The following SLC4A4 variants were observed in gnomAD, a reference collection of about 807,000 sequenced individuals.
The protein encoded by SLC4A4 is electrogenic sodium bicarbonate cotransporter 1.
Under a neutral mutation model 111.5 loss-of-function variants are expected in SLC4A4, and 27 were observed. The observed-to-expected ratio is 0.24, with a 90% CI of 0.18 to 0.33. The LOEUF (loss-of-function observed/expected upper bound fraction) is 0.33, where lower values mean the gene tolerates loss of function less well. Ranked by LOEUF, SLC4A4 falls within the 10% of genes least tolerant of loss-of-function variation. The pLI is 1.00. For missense variants in SLC4A4, 909 were observed against 1,315.5 expected, an observed-to-expected ratio of 0.69 and a Z score of 4.78; for synonymous variants, 443 against 463.4, an observed-to-expected ratio of 0.96 and a Z score of 0.57.
intron 2 of SLC4A4, among the ~76,000 whole-genome samples, chr4:71,137,185 C>T (rs987925311): frequency 6.6e-6 from 1 of 152,180 alleles, no homozygotes; most frequent in African/African-American, 2.4e-5. Context: ...AGCCGAGAGA[C>T]ATCTGCCCGC....
intron 2 of SLC4A4, among the ~76,000 whole-genome samples, chr4:71,154,801 T>C (rs1274375369): frequency 6.6e-6 from 1 of 152,162 alleles, no homozygotes; most frequent in Non-Finnish European, 1.5e-5. Flanking sequence ...GAAAGATGAT[T>C]GTAAATAATT....
rs1728012045 is a variant in SLC4A4, at chr4:71,472,870, CAAG to C, written c.1808_1810del (p.Lys603del). Reference sequence around the variant, plus strand: ...GCTTCATCTTTATCTATGATGCTTTCAAGAAGATGATCAAGCTTGCAGATTACT... The same window carrying C: ...GCTTCATCTTTATCTATGATGCTTTCAAGATGATCAAGCTTGCAGATTACT... On this transcript the variant is annotated inframe_deletion, in exon 14 of 26. Coordinates refer to ENST00000264485, the MANE Select transcript of SLC4A4 (RefSeq NM_001098484.3). The C allele has an allele frequency of 6.2e-7, 1 of 1,612,830 alleles. No individual in the cohort carries two copies. Among genetic ancestry groups the C allele is most frequent in the Non-Finnish European group, 8.5e-7 (1 of 1,179,268 alleles).
chr4:71,259,159 A>G (rs1721669261), intron 3 of SLC4A4, among the ~76,000 whole-genome samples: 1 of 152,190 alleles, frequency 6.6e-6, no homozygotes, highest in Non-Finnish European at 1.5e-5. Context: ...ATGAAAGGGC[A>G]TTTATAAGAA....
chr4:71,336,753 T>A lies in SLC4A4; in HGVS notation c.254-2617T>A, dbSNP rs187443554. Among the ~76,000 whole-genome samples the A allele has an allele frequency of 8.5e-5, 13 of 152,330 alleles. No individual in the cohort carries two copies. In the East Asian group the frequency reaches 2.5e-3, roughly 29 times the overall value. On this transcript the variant is annotated intron_variant, in intron 3 of 25. Coordinates refer to ENST00000264485, the MANE Select transcript of SLC4A4 (RefSeq NM_001098484.3). ...CATCATCCTTTTCATTACAATCACT[T>A]TCCTTGTTTATGTTGATTAATTCAC...
At chr4:71,100,025 C>T (rs774177857) in intron 2 of SLC4A4, among the ~76,000 whole-genome samples, 51 of 152,072 alleles carry the variant, frequency 3.4e-4, no homozygotes, top group Non-Finnish European at 5.7e-4. Flanking sequence ...ACCAGGTATA[C>T]AAAGAAGGGC....
intron 12 of SLC4A4, among the ~76,000 whole-genome samples, chr4:71,464,655 T>C (rs1351737554): frequency 1.3e-5 from 2 of 152,152 alleles, no homozygotes; most frequent in East Asian, 3.9e-4. Flanking sequence ...TCTTACTATT[T>C]AATTGTCAAG....
chr4:71,222,208 G>A (rs1718786182), intron 1 of SLC4A4, among the ~76,000 whole-genome samples: 2 of 152,076 alleles, frequency 1.3e-5, no homozygotes, highest in Non-Finnish European at 2.9e-5. Context: ...CAGCCCTCCT[G>A]ACTCACTCTG....
chr4:71,141,285 T>C (rs1560740702), intron 2 of SLC4A4, among the ~76,000 whole-genome samples: 1 of 152,200 alleles, frequency 6.6e-6, no homozygotes, highest in Admixed American at 6.5e-5. Context: ...TATGATCTTA[T>C]AGCCACAGTG....
At chr4:71,140,157 C>T (rs1331117110) in intron 2 of SLC4A4, among the ~76,000 whole-genome samples, 5 of 152,254 alleles carry the variant, frequency 3.3e-5, no homozygotes, top group South Asian at 4.1e-4. Context: ...TAGTGGCTCA[C>T]GCTTGTAATC....
At chr4:71,310,782 C>T (rs1726081252) in intron 3 of SLC4A4, among the ~76,000 whole-genome samples, 1 of 152,094 alleles carries the variant, frequency 6.6e-6, no homozygotes, top group South Asian at 2.1e-4. Context: ...AACTAATGTG[C>T]AAAATAACCA....
chr4:71,308,614 G>A (rs944693568), intron 3 of SLC4A4, among the ~76,000 whole-genome samples: 1 of 152,188 alleles, frequency 6.6e-6, no homozygotes, highest in African/African-American at 2.4e-5. Flanking sequence ...CCCAGGAAGT[G>A]CAAGGGGCCG....
chr4:71,478,809 CAT>C lies in SLC4A4; in HGVS notation c.1903+5842_1903+5843del, dbSNP rs1229847606. Among the ~76,000 whole-genome samples the C allele has an allele frequency of 4.0e-5, 6 of 151,704 alleles. 1 individual carries two copies. The highest frequency in any genetic ancestry group is 2.0e-4 in the Admixed American group (3 of 15,208). Reference sequence around the variant, plus strand: ...AGTAGAATACACACATATACAAACACATATTATAAAATGTATTGTTTTTTAAA... The same window carrying C: ...AGTAGAATACACACATATACAAACACATTATAAAATGTATTGTTTTTTAAA... On this transcript the variant is annotated intron_variant, in intron 14 of 25. Coordinates refer to ENST00000264485, the MANE Select transcript of SLC4A4 (RefSeq NM_001098484.3).
At chr4:71,235,551 G>T (rs1719743443) in intron 1 of SLC4A4, among the ~76,000 whole-genome samples, 1 of 152,202 alleles carries the variant, frequency 6.6e-6, no homozygotes, top group Non-Finnish European at 1.5e-5. Context: ...CAGCATTTGA[G>T]CAATTCAGGA....
chr4:71,264,479 T>C (rs1350088441), intron 3 of SLC4A4, among the ~76,000 whole-genome samples: 1 of 152,198 alleles, frequency 6.6e-6, no homozygotes, highest in Non-Finnish European at 1.5e-5. Flanking sequence ...ATGGAAAATA[T>C]GACTTCTGGA....
chr4:71,426,684 C>A (rs1723172861), intron 7 of SLC4A4, among the ~76,000 whole-genome samples: 1 of 152,058 alleles, frequency 6.6e-6, no homozygotes, highest in Non-Finnish European at 1.5e-5. Context: ...CATCCCAGCC[C>A]TTGTTGGAGG....
At chr4:71,447,355 T>C (rs1725329860) in intron 8 of SLC4A4, among the ~76,000 whole-genome samples, 1 of 152,206 alleles carries the variant, frequency 6.6e-6, no homozygotes, top group East Asian at 1.9e-4. Flanking sequence ...AATAGAAAGA[T>C]TGAATGACTC....
chr4:71,262,573 T>C (rs1721941612), intron 3 of SLC4A4, among the ~76,000 whole-genome samples: 1 of 152,262 alleles, frequency 6.6e-6, no homozygotes, highest in African/African-American at 2.4e-5. Context: ...GCGCTGTTGG[T>C]TTTTCCTTCA....
At chr4:71,127,672 T>G (rs1190179641) in intron 2 of SLC4A4, among the ~76,000 whole-genome samples, 1 of 152,242 alleles carries the variant, frequency 6.6e-6, no homozygotes. Flanking sequence ...TTTATTTCAC[T>G]TTTTAAGATA....
At chr4:71,388,300 T>C (rs1300664842) in intron 6 of SLC4A4, among the ~76,000 whole-genome samples, 1 of 152,174 alleles carries the variant, frequency 6.6e-6, no homozygotes, top group Non-Finnish European at 1.5e-5. Flanking sequence ...TGTATGTGTG[T>C]GTGAATATGA....
Sources: allele counts gnomAD v4.1 joint callset (sites outside exome capture counted in the v4.1 genomes callset), GRCh38; gene constraint gnomAD v4.1.1; transcripts MANE v1.5; gene names NCBI Gene and HGNC (gene_info 2026-07-23, HGNC 2026-07-21).